PHRF1: variants seen among roughly 807,000 people sequenced by gnomAD.
PHRF1 encodes PHD and RING finger domain-containing protein 1.
Under a neutral mutation model 128.9 loss-of-function variants are expected in PHRF1, and 53 were observed. The observed-to-expected ratio is 0.41, with a 90% CI of 0.33 to 0.52. The LOEUF (loss-of-function observed/expected upper bound fraction) is 0.52. PHRF1 is among the 20% of genes least tolerant of loss of function. PHRF1 has a pLI of 0.21. For synonymous variants in PHRF1, 1,178 were observed against 980.6 expected, an observed-to-expected ratio of 1.20 and a Z score of -3.76; for missense variants, 2,503 against 2,284.5, an observed-to-expected ratio of 1.10 and a Z score of -1.95.
Position 609,057 on chromosome 11 carries a change from G to A in PHRF1, c.3601G>A (p.Ala1201Thr), listed in dbSNP as rs760211139. 6 of 1,595,610 alleles carry A rather than the reference G, an allele frequency of 3.8e-6. No individual in the cohort carries two copies. The African/African-American group carries it at 5.4e-5, about 14-fold the overall frequency. The part of the protein sequence containing the change: ...SPERKGAVRE[A>T]SPAPLAQGEP... Reference sequence around the variant, plus strand: ...AGAGAGGAAGGGGGCTGTGAGGGAGGCTTCCCCAGCGCCCCTTGCACAGGG... The same window carrying A: ...AGAGAGGAAGGGGGCTGTGAGGGAGACTTCCCCAGCGCCCCTTGCACAGGG... Residue 1201 changes from alanine (A) to threonine (T), a missense_variant, in exon 14 of 18, where the codon GCT becomes ACT. Physicochemically the swap from Ala to Thr is moderately conservative, Grantham distance 58 (BLOSUM62 0). Transcript: ENST00000264555.
At chr11:606,839 CT>C in intron 13 of PHRF1, 2 of 886,636 alleles carry the variant, frequency 2.3e-6, no homozygotes, top group African/African-American at 1.7e-5. Context: ...GCCCCCGCCC[CT>C]GGTTAATATC....
intron 6 of PHRF1, among the ~76,000 whole-genome samples, chr11:593,572 C>G (rs182519010): frequency 5.8e-4 from 88 of 152,370 alleles, no homozygotes; most frequent in African/African-American, 2.1e-3. Flanking sequence ...GCCACATACC[C>G]AGGCCTCTGC....
chr11:605,793 G>C, intron 12 of PHRF1, 69 bp downstream of exon 12: 2 of 1,521,480 alleles, frequency 1.3e-6, no homozygotes, highest in Non-Finnish European at 1.7e-6. Flanking sequence ...GTTCTAGGGT[G>C]GGGCCGTGAT....
chr11:597,133 T>C lies in PHRF1; in HGVS notation c.718+113T>C, dbSNP rs933865975. The C allele has an allele frequency of 6.8e-6, 8 of 1,181,996 alleles. No homozygotes were observed. The highest frequency in any genetic ancestry group is 1.4e-5 in the South Asian group (1 of 71,376). 73.2% of individuals were successfully genotyped at this position (1,181,996 alleles called of 1,614,324 possible). A position where few individuals can be genotyped will look rare whatever the true frequency, so the allele number is the denominator to read the frequency against. On this transcript the variant is annotated intron_variant, in intron 7 of 17. Coordinates refer to ENST00000264555, the MANE Select transcript of PHRF1 (RefSeq NM_001286581.2). The surrounding 1 kb of genome is among the most constrained non-coding windows in gnomAD (Gnocchi z 6.5). ...GGGGAGGACATCTAGGGCTGTCTCA[T>C]GGGGGTTAGGGTTGGCTGCGGTGTC...
intron 3 of PHRF1, among the ~76,000 whole-genome samples, chr11:586,331 A>T (rs1854556734): frequency 6.6e-6 from 1 of 152,240 alleles, no homozygotes; most frequent in East Asian, 1.9e-4. Flanking sequence ...ATGGGAACTT[A>T]AAACTCTTCT....
chr11:604,702 A>G (rs1855840698), intron 10 of PHRF1, among the ~76,000 whole-genome samples: 1 of 152,136 alleles, frequency 6.6e-6, no homozygotes, highest in African/African-American at 2.4e-5. Flanking sequence ...TTTAGTAGAG[A>G]TGGGGTTTCA....
intron 1 of PHRF1, 91 bp from the exon 2 acceptor site, chr11:581,401 G>A: frequency 1.9e-6 from 2 of 1,031,854 alleles, no homozygotes; most frequent in African/African-American, 1.6e-5. Context: ...GTGACACGGG[G>A]ATGTGGCCTG....
At chr11:596,092 G>A (rs574043109) in intron 6 of PHRF1, among the ~76,000 whole-genome samples, 2 of 152,288 alleles carry the variant, frequency 1.3e-5, no homozygotes, top group South Asian at 2.1e-4. Context: ...AGTTCAGCCC[G>A]TGGTAAGTGG....
chr11:584,598 A>C (rs778556151), intron 3 of PHRF1, among the ~76,000 whole-genome samples: 16 of 151,494 alleles, frequency 1.1e-4, no homozygotes, highest in Non-Finnish European at 2.2e-4. Flanking sequence ...AGGACGGGGG[A>C]GCTGTGAAGA....
At chr11:599,051 C>T (rs1207281016) in intron 9 of PHRF1, among the ~76,000 whole-genome samples, 1 of 152,128 alleles carries the variant, frequency 6.6e-6, no homozygotes, top group Non-Finnish European at 1.5e-5. Flanking sequence ...CTGGGGAGAG[C>T]CGTGGACTGC....
At chr11:610,916 C>T in intron 16 of PHRF1, 38 bp from the exon 17 acceptor site, 2 of 1,606,152 alleles carry the variant, frequency 1.2e-6, no homozygotes, top group Non-Finnish European at 1.7e-6. Context: ...GGACTCCCGG[C>T]TCCCTTCCTG....
At position 609,242 on chromosome 11, in the gene PHRF1, C is replaced by T. The variant is rs368209975; in HGVS notation, c.3786C>T (p.Gly1262=). The T allele has an allele frequency of 3.1e-4, 500 of 1,611,190 alleles. 4 individuals carry two copies. In the South Asian group the frequency reaches 4.9e-3, roughly 16 times the overall value. ...CGGACGACCTGGACCTGGATTATGG[C>T]GACTCCGTGGAGGCCGGACACGTCT... is the stretch of plus-strand genomic sequence containing the variant. The part of the protein sequence containing the change: ...CEPDDLDLDY[G]DSVEAGHVFD... The change falls in exon 14 of 18, where the codon GGC becomes GGT. Residue 1262 remains glycine (G), a synonymous_variant. Transcript: ENST00000264555.
Position 606,522 on chromosome 11 carries a change from G to A in PHRF1, c.1535G>A (p.Gly512Asp), listed in dbSNP as rs1354349603. 2 of 1,609,780 alleles carry A rather than the reference G, an allele frequency of 1.2e-6. No homozygotes were observed. The highest frequency in any genetic ancestry group is 2.2e-5 in the East Asian group (1 of 44,890). ...VPDLLGSILSGQSLLMLGSSD... is the reference protein window; with the variant it reads ...VPDLLGSILSDQSLLMLGSSD... Reference sequence around the variant, plus strand: ...GACCTGCTGGGCAGCATCCTGTCGGGCCAGAGCCTCCTGATGCTGGGCAGC... The same window carrying A: ...GACCTGCTGGGCAGCATCCTGTCGGACCAGAGCCTCCTGATGCTGGGCAGC... The change falls in exon 13 of 18, where the codon GGC becomes GAC. Residue 512 changes from glycine (G) to aspartate (D), a missense_variant. By Grantham distance (94) the Gly-to-Asp change is moderately conservative. Coordinates refer to ENST00000264555, the MANE Select transcript of PHRF1 (RefSeq NM_001286581.2).
rs182417771 is a variant in PHRF1, at chr11:608,871, C to T, written c.3415C>T (p.Arg1139Trp). 664 of 1,612,260 alleles carry T rather than the reference C, an allele frequency of 4.1e-4. 3 individuals are homozygous for T. In the African/African-American group the frequency reaches 5.9e-3, roughly 14 times the overall value. Residue 1139 changes from arginine (R) to tryptophan (W), a missense_variant, in exon 14 of 18, where the codon CGG (arginine) becomes TGG (tryptophan). Arg to Trp is a moderately radical substitution (Grantham distance 101). Transcript: ENST00000264555. Reference sequence around the variant, plus strand: ...GAGGCTCTGCAGGCACAAGCATCAGCGGGAACGCAGCCACGAGCGGCCAGA... The same window carrying T: ...GAGGCTCTGCAGGCACAAGCATCAGTGGGAACGCAGCCACGAGCGGCCAGA... The part of the protein sequence containing the change: ...LERLCRHKHQ[R>W]ERSHERPDRK...
At position 607,704 on chromosome 11, in the gene PHRF1, C is replaced by T. The variant is rs781521780; in HGVS notation, c.2248C>T (p.Pro750Ser). 30 of 1,609,740 alleles carry T rather than the reference C, an allele frequency of 1.9e-5. No individual in the cohort carries two copies. Among genetic ancestry groups the T allele is most frequent in the Non-Finnish European group, 1.9e-5 (22 of 1,178,024 alleles). Residue 750 changes from proline to serine, a missense_variant, in exon 14 of 18, where the codon CCC becomes TCC. By Grantham distance (74) the Pro-to-Ser change is moderately conservative (BLOSUM62 -1). Transcript: ENST00000264555. Reference protein sequence around the residue: ...EPGVHTGSSRPPAPSSHGSLA... With the variant: ...EPGVHTGSSRSPAPSSHGSLA... ...CGGGGTGCACACGGGCAGCTCCCGG[C>T]CCCCAGCCCCCAGCTCCCATGGCAG... is the stretch of plus-strand genomic sequence containing the variant.
intron 10 of PHRF1, among the ~76,000 whole-genome samples, chr11:602,486 GCCTGGCCAA>G (rs1422032879): frequency 6.6e-6 from 1 of 152,072 alleles, no homozygotes; most frequent in Non-Finnish European, 1.5e-5. Flanking sequence ...TTCAAGGCCA[GCCTGGCCAA>G]CATGGTGAAA....
At chr11:578,093 G>A (rs1853992942) in intron 1 of PHRF1, among the ~76,000 whole-genome samples, 1 of 152,196 alleles carries the variant, frequency 6.6e-6, no homozygotes. Context: ...GGGAAGGGAA[G>A]ATTTGTTGGA....
At position 605,786 on chromosome 11, in the gene PHRF1, C is replaced by T; in HGVS notation, c.1454+62C>T. ...AGCAGTTGGGCATCGGATGGGAGTT[C>T]TAGGGTGGGGCCGTGATAGCCTGGC... On this transcript the variant is annotated intron_variant, in intron 12 of 17. Coordinates refer to ENST00000264555, the MANE Select transcript of PHRF1 (RefSeq NM_001286581.2). 3 of 1,537,842 alleles carry T rather than the reference C, an allele frequency of 2.0e-6. No individual in the cohort carries two copies. In the Admixed American group the frequency reaches 6.1e-5, roughly 31 times the overall value.
At chr11:606,858 G>C (rs1325889053) in intron 13 of PHRF1, 4 of 939,428 alleles carry the variant, frequency 4.3e-6, no homozygotes, top group Non-Finnish European at 6.2e-6. Flanking sequence ...ATCGTGTCCT[G>C]ATGGCCTCAG....
Sources: gnomAD v4.1 joint callset for allele counts (sites outside exome capture counted in the v4.1 genomes callset) on GRCh38, gnomAD v4.1.1 for gene constraint, Gnocchi (gnomAD v3.1) non-coding constraint, MANE v1.5 for transcripts, NCBI Gene and HGNC (gene_info 2026-07-23, HGNC 2026-07-21) for gene names.